FBLIM1: variants seen among roughly 807,000 people sequenced by gnomAD.
FBLIM1 encodes filamin-binding LIM protein 1.
Under a neutral mutation model 37.4 loss-of-function variants are expected in FBLIM1, and 29 were observed. The ratio of observed to expected loss-of-function variants is 0.77; its 90% CI spans 0.58 to 1.06. The LOEUF (loss-of-function observed/expected upper bound fraction) is 1.06, where lower values mean the gene tolerates loss of function less well. Ranked by LOEUF, FBLIM1 falls within the 50% of genes least tolerant of loss-of-function variation. The pLI, the probability that FBLIM1 is intolerant of heterozygous loss-of-function variation, is 0.00. For synonymous variants in FBLIM1, 193 were observed against 199.0 expected, an observed-to-expected ratio of 0.97 and a Z score of 0.25; for missense variants, 449 against 505.6, an observed-to-expected ratio of 0.89 and a Z score of 1.07.
chr1:15,781,244 G>A (rs1309013179), intron 8 of FBLIM1, among the ~76,000 whole-genome samples: 2 of 152,070 alleles, frequency 1.3e-5, no homozygotes, highest in Admixed American at 6.6e-5. Context: ...TGTAGTCCCA[G>A]CTACTCGGGA....
intron 8 of FBLIM1, among the ~76,000 whole-genome samples, chr1:15,778,772 T>G (rs1215308048): frequency 6.6e-6 from 1 of 151,160 alleles, no homozygotes; most frequent in East Asian, 1.9e-4. Context: ...TCCCGAGTAA[T>G]TGGGATTACA....
At chr1:15,767,331 C>G (rs372491738) in intron 3 of FBLIM1, 45 bp from the exon 4 acceptor site, 3 of 1,489,796 alleles carry the variant, frequency 2.0e-6, no homozygotes, top group Non-Finnish European at 8.9e-7. Flanking sequence ...CCTCCCAGGT[C>G]CACCTGGGAG....
intron 8 of FBLIM1, among the ~76,000 whole-genome samples, chr1:15,781,718 G>GGTT (rs759245808): frequency 1.8e-5 from 2 of 111,448 alleles, no homozygotes; most frequent in African/African-American, 6.8e-5. Context: ...AGGTAGTATT[G>GGTT]TTTTTTTTTT....
At chr1:15,776,376 A>C (rs1229358619) in intron 7 of FBLIM1, among the ~76,000 whole-genome samples, 1 of 152,180 alleles carries the variant, frequency 6.6e-6, no homozygotes, top group African/African-American at 2.4e-5. Context: ...CTCCACAGGT[A>C]AGTATTGAAG....
At chr1:15,757,210 C>T (rs2068463888), upstream of FBLIM1, among the ~76,000 whole-genome samples, 1 of 152,208 alleles carries the variant, frequency 6.6e-6, no homozygotes, top group Admixed American at 6.5e-5. The surrounding 1 kb of genome is among the most constrained non-coding windows in gnomAD (Gnocchi z 4.1). Context: ...ACCTCCAAGC[C>T]CCAGCTTCCG....
intron 4 of FBLIM1, among the ~76,000 whole-genome samples, chr1:15,768,222 G>A (rs2069021045): frequency 6.6e-6 from 1 of 152,168 alleles, no homozygotes; most frequent in Admixed American, 6.5e-5. Context: ...AACAGAGGCT[G>A]TGTAGAAATG....
At chr1:15,782,492 G>A (rs1358363391) in intron 8 of FBLIM1, among the ~76,000 whole-genome samples, 1 of 151,944 alleles carries the variant, frequency 6.6e-6, no homozygotes, top group African/African-American at 2.4e-5. Context: ...TGGGTTCAGT[G>A]AGGTTTCAGC....
Position 15,767,387 on chromosome 1 carries a change from C to A in FBLIM1, c.262C>A (p.Pro88Thr). 6.4e-7 allele frequency: 1 copy of A among 1,567,422 alleles called. No homozygotes were observed. The highest frequency in any genetic ancestry group is 8.6e-7 in the Non-Finnish European group (1 of 1,156,946). ...MQLFNGGCPP[P>T]PPVLDGEDVL... ...CTCCCCCATTGCAGGATGCCCACCC[C>A]CTCCTCCTGTCCTGGATGGTGAGGA... The change falls in exon 4 of 9, where the codon CCT becomes ACT. Residue 88 changes from proline to threonine, a missense_variant. Physicochemically the swap from Pro to Thr is conservative, Grantham distance 38. Transcript: ENST00000375766.
chr1:15,765,125 C>T lies in FBLIM1; in HGVS notation c.142C>T (p.Pro48Ser). The T allele has an allele frequency of 6.2e-7, 1 of 1,613,868 alleles. No homozygotes were observed. Among genetic ancestry groups the T allele is most frequent in the Non-Finnish European group, 8.5e-7 (1 of 1,179,872 alleles). Residue 48 changes from proline to serine, a missense_variant, in exon 3 of 9, where the codon CCC (proline) becomes TCC (serine). Transcript: ENST00000375766. This position sits in a 1 kb window ranked among gnomAD's most constrained non-coding sequence, Gnocchi z 5.9. ...RRGRPWEAPA[P>S]MKTPEAGLAG... The stretch of plus-strand genomic sequence containing the variant: ...TGGCCGCCCCTGGGAGGCTCCTGCC[C>T]CCATGAAGACACCCGAGGCTGGCTT...
intron 1 of FBLIM1, among the ~76,000 whole-genome samples, chr1:15,763,671 G>T (rs1383692429): frequency 6.6e-6 from 1 of 151,806 alleles, no homozygotes; most frequent in South Asian, 2.1e-4. Flanking sequence ...ACAGAGTCTC[G>T]CTCTGTTGCC....
At position 15,786,345 on chromosome 1, in the gene FBLIM1, C is replaced by T. The variant is rs1404770537; in HGVS notation, c.*1684C>T. ...GAACCCCAGGGGCTTCGGCCCAGAC[C>T]ACAGCGTCTTGCCCTGAGCCTAGAG... On this transcript the variant is annotated 3_prime_UTR_variant, in exon 9 of 9. Coordinates refer to ENST00000375766, the MANE Select transcript of FBLIM1 (RefSeq NM_017556.4). The T allele has an allele frequency of 6.6e-6, 1 of 152,214 alleles. No individual in the cohort carries two copies. The highest frequency in any genetic ancestry group is 2.4e-5 in the African/African-American group (1 of 41,452). 9.4% of individuals were successfully genotyped at this position (152,214 alleles called of 1,614,324 possible).
At chr1:15,780,238 AC>A (rs1255820826) in intron 8 of FBLIM1, among the ~76,000 whole-genome samples, 3 of 151,330 alleles carry the variant, frequency 2.0e-5, no homozygotes, top group Admixed American at 6.6e-5. Context: ...TCACTTTGTT[AC>A]CCAAGCTGGA....
upstream of FBLIM1, among the ~76,000 whole-genome samples, chr1:15,757,569 C>T (rs1173424760): frequency 6.6e-6 from 1 of 152,058 alleles, no homozygotes; most frequent in Non-Finnish European, 1.5e-5. The surrounding 1 kb of genome is among the most constrained non-coding windows in gnomAD (Gnocchi z 4.1). Flanking sequence ...AGGGCGGAGG[C>T]AGCCTCCTCT....
intron 7 of FBLIM1, 170 bp downstream of exon 7, chr1:15,774,966 C>T (rs1167502419): frequency 6.9e-7 from 1 of 1,439,388 alleles, no homozygotes; most frequent in Non-Finnish European, 9.4e-7. Flanking sequence ...CGCCTGTAAT[C>T]CCAGCACTTT....
chr1:15,761,072 C>G (rs138018910), intron 1 of FBLIM1, among the ~76,000 whole-genome samples: 1 of 152,232 alleles, frequency 6.6e-6, no homozygotes, highest in East Asian at 1.9e-4. Flanking sequence ...GGACATTTTC[C>G]GAGAAGCCAG....
intron 6 of FBLIM1, among the ~76,000 whole-genome samples, chr1:15,770,800 C>T (rs1020609602): frequency 2.0e-5 from 3 of 152,332 alleles, no homozygotes; most frequent in South Asian, 4.1e-4. Context: ...CAGCAGTACA[C>T]GTTTATTCTG....
chr1:15,774,895 T>G (rs1251141328), intron 7 of FBLIM1, 99 bp downstream of exon 7: 3 of 1,606,812 alleles, frequency 1.9e-6, no homozygotes, highest in Non-Finnish European at 2.5e-6. Flanking sequence ...TGGGCCAGAG[T>G]TTCCTGTCTA....
upstream of FBLIM1, among the ~76,000 whole-genome samples, chr1:15,757,028 C>A (rs2068456978): frequency 6.6e-6 from 1 of 152,212 alleles, no homozygotes; most frequent in African/African-American, 2.4e-5. The surrounding 1 kb of genome is among the most constrained non-coding windows in gnomAD (Gnocchi z 4.1). Flanking sequence ...TCCTTTGAGT[C>A]CTTCCCGTCT....
chr1:15,767,280 C>A, intron 3 of FBLIM1, 96 bp from the exon 4 acceptor site: 1 of 1,131,210 alleles, frequency 8.8e-7, no homozygotes, highest in Non-Finnish European at 1.2e-6. Context: ...CCGACCGGGG[C>A]CCTCAGCTTC....
Sources: gnomAD v4.1 joint callset for allele counts (sites outside exome capture counted in the v4.1 genomes callset) on GRCh38, gnomAD v4.1.1 for gene constraint, Gnocchi (gnomAD v3.1) non-coding constraint, MANE v1.5 for transcripts, NCBI Gene and HGNC (gene_info 2026-07-23, HGNC 2026-07-21) for gene names.